Variants in PLPPR1 observed in about 807,000 individuals in gnomAD.
PLPPR1 encodes phospholipid phosphatase-related protein type 1.
In PLPPR1, 10 loss-of-function variants were observed where a neutral mutation model predicts 33.1. The ratio of observed to expected loss-of-function variants is 0.30; its 90% confidence interval spans 0.19 to 0.51. The LOEUF (loss-of-function observed/expected upper bound fraction) is 0.51, where lower values mean the gene tolerates loss of function less well. Ranked by LOEUF, PLPPR1 falls within the 20% of genes least tolerant of loss-of-function variation. The pLI is 0.97. For missense variants in PLPPR1, 304 were observed against 408.1 expected (o/e 0.74, Z 2.20); for synonymous variants, 151 against 151.0 (o/e 1.00, Z 0.00).
intron 1 of PLPPR1, among the ~76,000 whole-genome samples, chr9:101,178,282 G>C (rs1826047351): frequency 1.3e-5 from 2 of 152,174 alleles, no homozygotes; most frequent in African/African-American, 2.4e-5. Context: ...AGGCTGACCT[G>C]GCTACTGCCA....
chr9:101,047,401 A>G (rs1830166481), intron 1 of PLPPR1, among the ~76,000 whole-genome samples: 1 of 152,220 alleles, frequency 6.6e-6, no homozygotes, highest in African/African-American at 2.4e-5. Context: ...TCCATTGAGA[A>G]GTGAACTTGC....
intron 1 of PLPPR1, among the ~76,000 whole-genome samples, chr9:101,176,302 C>A (rs751403556): frequency 2.7e-4 from 41 of 152,140 alleles, no homozygotes; most frequent in Non-Finnish European, 1.3e-4. Context: ...TTGCTGGGTT[C>A]AGGACAGAGG....
At chr9:101,145,562 A>G (rs1365477206) in intron 1 of PLPPR1, among the ~76,000 whole-genome samples, 1 of 151,944 alleles carries the variant, frequency 6.6e-6, no homozygotes, top group Non-Finnish European at 1.5e-5. Context: ...TTGTGTTTTT[A>G]GTAGAGACGG....
chr9:101,043,666 G>A lies in PLPPR1; in HGVS notation c.-46+14564G>A, dbSNP rs577224873. On this transcript the variant is annotated intron_variant, in intron 1 of 7. Transcript: ENST00000374874. ...TTCCTCTGGGTAGATACCCAGTAGTGGGATTGCTGGATCAAATGGTAGTTC... is the reference window on the plus strand; with the variant it reads ...TTCCTCTGGGTAGATACCCAGTAGTAGGATTGCTGGATCAAATGGTAGTTC... Among the ~76,000 whole-genome samples, 175 of 152,114 alleles carry A rather than the reference G, an allele frequency of 1.2e-3. 1 individual carries two copies. The highest frequency in any genetic ancestry group is 4.0e-3 in the African/African-American group (166 of 41,492).
chr9:101,211,272 A>G (rs1436593355), intron 2 of PLPPR1, among the ~76,000 whole-genome samples: 1 of 152,226 alleles, frequency 6.6e-6, no homozygotes, highest in Non-Finnish European at 1.5e-5. Flanking sequence ...TTCTCAGATG[A>G]ACACAAAACA....
In PLPPR1 at chr9:101,107,184, G is replaced by T. The variant is rs1253250896; in HGVS notation, c.-46+78082G>T. On this transcript the variant is annotated intron_variant, in intron 1 of 7. Coordinates refer to ENST00000374874, the MANE Select transcript of PLPPR1 (RefSeq NM_207299.2). The stretch of plus-strand genomic sequence containing the variant: ...ATTCTCCATCCAGCTTTGTTCCGTT[G>T]CTGGTGAGGAACTGCGTTCCTTTGG... Among the ~76,000 whole-genome samples, 5 of 105,334 alleles carry T rather than the reference G, an allele frequency of 4.7e-5. 2 individuals carry two copies. The highest frequency in any genetic ancestry group is 9.0e-5 in the Non-Finnish European group (5 of 55,418). The allele number at this position is 105,334 out of a possible 152,430, so 69.1% of individuals were successfully genotyped here.
intron 2 of PLPPR1, among the ~76,000 whole-genome samples, chr9:101,219,325 G>C (rs1253083510): frequency 1.3e-5 from 2 of 152,118 alleles, no homozygotes; most frequent in Non-Finnish European, 2.9e-5. Flanking sequence ...CAGCTACCTG[G>C]TACGTGAGAA....
intron 4 of PLPPR1, among the ~76,000 whole-genome samples, chr9:101,291,889 C>A (rs1828516560): frequency 6.6e-6 from 1 of 152,178 alleles, no homozygotes; most frequent in African/African-American, 2.4e-5. Flanking sequence ...AGCACCTCTC[C>A]TCCTCCAAAG....
intron 1 of PLPPR1, among the ~76,000 whole-genome samples, chr9:101,163,025 C>T (rs549608921): frequency 1.7e-4 from 26 of 152,180 alleles, no homozygotes; most frequent in African/African-American, 4.8e-5. Flanking sequence ...AAATAATTGT[C>T]GAAATTATTC....
At chr9:101,302,489 C>G (rs941423420) in intron 4 of PLPPR1, among the ~76,000 whole-genome samples, 1 of 152,086 alleles carries the variant, frequency 6.6e-6, no homozygotes. Context: ...ATTGAGGTAC[C>G]TTGGCAAAAA....
chr9:101,042,299 T>G lies in PLPPR1; in HGVS notation c.-46+13197T>G, dbSNP rs1245050755. Among the ~76,000 whole-genome samples, 3 of 152,276 alleles carry G rather than the reference T, an allele frequency of 2.0e-5. No individual in the cohort carries two copies. The East Asian group carries it at 5.8e-4, about 29-fold the overall frequency. Reference sequence around the variant, plus strand: ...ACAAACTCTCCACTCACCTGTAAGTTTTTGTTCCTTCAGGTGTTTTCTTGA... The same window carrying G: ...ACAAACTCTCCACTCACCTGTAAGTGTTTGTTCCTTCAGGTGTTTTCTTGA... On this transcript the variant is annotated intron_variant, in intron 1 of 7. Coordinates refer to ENST00000374874, the MANE Select transcript of PLPPR1 (RefSeq NM_207299.2).
intron 2 of PLPPR1, among the ~76,000 whole-genome samples, chr9:101,201,087 T>C (rs1826484188): frequency 6.6e-6 from 1 of 152,206 alleles, no homozygotes. Flanking sequence ...GCTTGTCTGG[T>C]AAGGGCTGCA....
At chr9:101,113,786 C>G (rs1412736940) in intron 1 of PLPPR1, among the ~76,000 whole-genome samples, 1 of 151,814 alleles carries the variant, frequency 6.6e-6, no homozygotes. Context: ...CACAAGAAAA[C>G]TTTTAAAAAA....
chr9:101,117,757 A>G (rs1429548999), intron 1 of PLPPR1, among the ~76,000 whole-genome samples: 1 of 152,242 alleles, frequency 6.6e-6, no homozygotes, highest in Non-Finnish European at 1.5e-5. Flanking sequence ...CTTCTCTTTA[A>G]ATGGAGATAC....
chr9:101,268,280 GA>G (rs369534800), intron 2 of PLPPR1, among the ~76,000 whole-genome samples: 5,479 of 143,862 alleles, frequency 0.038, 304 homozygotes, highest in African/African-American at 0.13. Flanking sequence ...TCTTTGATGT[GA>G]AAAAAAAAAA....
intron 1 of PLPPR1, 39 bp downstream of exon 1, chr9:101,029,141 T>G (rs1470525276): frequency 6.5e-6 from 1 of 153,036 alleles, no homozygotes; most frequent in East Asian, 1.9e-4. Flanking sequence ...TGGGGAAGTC[T>G]CTGCACCGGG....
At chr9:101,315,247 C>G (rs75526198) in intron 6 of PLPPR1, among the ~76,000 whole-genome samples, 2 of 152,126 alleles carry the variant, frequency 1.3e-5, no homozygotes, top group Non-Finnish European at 2.9e-5. Context: ...TTCCCCCTAT[C>G]GCCTACTACC....
chr9:101,256,950 C>T (rs1487948656), intron 2 of PLPPR1, among the ~76,000 whole-genome samples: 2 of 152,054 alleles, frequency 1.3e-5, no homozygotes, highest in Non-Finnish European at 1.5e-5. Context: ...TTTTCTCTCC[C>T]TCCCTTCTTC....
chr9:101,323,992 C>T, intron 7 of PLPPR1, 33 bp from the exon 8 acceptor site: 3 of 1,607,956 alleles, frequency 1.9e-6, no homozygotes, highest in African/African-American at 1.3e-5. Flanking sequence ...GCAACCCTAT[C>T]TCAGATTTTA....
Sources: allele counts gnomAD v4.1 joint callset (sites outside exome capture counted in the v4.1 genomes callset), GRCh38; gene constraint gnomAD v4.1.1; transcripts MANE v1.5; gene names NCBI Gene and HGNC (gene_info 2026-07-23, HGNC 2026-07-21).